Variants in NAALADL2 observed in about 807,000 individuals in gnomAD.
The protein encoded by NAALADL2 is N-acetylated alpha-linked acidic dipeptidase like 2, also known as inactive N-acetylated-alpha-linked acidic dipeptidase-like protein 2.
Under a neutral mutation model 87.2 loss-of-function variants are expected in NAALADL2, and 76 were observed. The observed-to-expected ratio is 0.87, with a 90% CI of 0.72 to 1.05. The LOEUF (loss-of-function observed/expected upper bound fraction) is 1.05. Among genes scored for constraint, NAALADL2 ranks in the 50% least tolerant of loss-of-function variants. The pLI is 0.00. For missense variants in NAALADL2, 1,089 were observed against 945.8 expected, an observed-to-expected ratio of 1.15 and a Z score of -1.99; for synonymous variants, 354 against 331.0, an observed-to-expected ratio of 1.07 and a Z score of -0.75.
chr3:174,537,713 A>T (rs182768357), intron 1 of NAALADL2, among the ~76,000 whole-genome samples: 4 of 152,284 alleles, frequency 2.6e-5, no homozygotes, highest in Non-Finnish European at 4.4e-5. Context: ...GTGGAAGAAT[A>T]ATTAAATTTT....
chr3:174,712,231 A>C (rs903465268), intron 2 of NAALADL2, among the ~76,000 whole-genome samples: 1 of 152,106 alleles, frequency 6.6e-6, no homozygotes, highest in African/African-American at 2.4e-5. Flanking sequence ...ATTTGTCTGA[A>C]TGGTATCTTG....
chr3:175,619,251 G>GGAAGGAA (rs1442073567), intron 10 of NAALADL2, among the ~76,000 whole-genome samples: 1 of 99,322 alleles, frequency 1.0e-5, no homozygotes, highest in East Asian at 2.6e-4. Flanking sequence ...AAGGAAGGAA[G>GGAAGGAA]GAAGGAAGGA....
intron 5 of NAALADL2, among the ~76,000 whole-genome samples, chr3:175,361,067 G>A (rs2148908310): frequency 6.6e-6 from 1 of 150,604 alleles, no homozygotes; most frequent in South Asian, 2.1e-4. Flanking sequence ...CCCATCCTGT[G>A]TCCAAGTGTT....
At chr3:175,726,095 A>G (rs1742878957) in intron 11 of NAALADL2, among the ~76,000 whole-genome samples, 1 of 152,094 alleles carries the variant, frequency 6.6e-6, no homozygotes, top group African/African-American at 2.4e-5. Flanking sequence ...ACACAAATAT[A>G]TTACAAAGTC....
chr3:174,723,794 A>G (rs930549356), intron 2 of NAALADL2, among the ~76,000 whole-genome samples: 6 of 148,178 alleles, frequency 4.0e-5, no homozygotes, highest in Non-Finnish European at 9.0e-5. Context: ...GCCTAGATAG[A>G]AGTACAACTT....
At chr3:175,352,408 C>T (rs1237754967) in intron 5 of NAALADL2, among the ~76,000 whole-genome samples, 1 of 152,062 alleles carries the variant, frequency 6.6e-6, no homozygotes, top group African/African-American at 2.4e-5. Flanking sequence ...TGTACTGAGA[C>T]CTCATCTGTC....
intron 3 of NAALADL2, among the ~76,000 whole-genome samples, chr3:174,795,373 T>C (rs1717966492): frequency 6.6e-6 from 1 of 152,114 alleles, no homozygotes; most frequent in Admixed American, 6.6e-5. Context: ...GTGTGTAATT[T>C]CCTGAAATAT....
intron 6 of NAALADL2, among the ~76,000 whole-genome samples, chr3:175,451,477 A>G (rs1016096450): frequency 1.3e-5 from 2 of 152,134 alleles, no homozygotes; most frequent in South Asian, 4.1e-4. Flanking sequence ...CATTCAACGT[A>G]TTGTCAATAT....
intron 2 of NAALADL2, among the ~76,000 whole-genome samples, chr3:174,686,731 C>A (rs1343669619): frequency 6.6e-6 from 1 of 152,030 alleles, no homozygotes; most frequent in East Asian, 1.9e-4. Context: ...GGATAACTGG[C>A]TAGCCATTTG....
chr3:175,794,178 G>C (rs1421229520), intron 13 of NAALADL2, among the ~76,000 whole-genome samples: 1 of 152,104 alleles, frequency 6.6e-6, no homozygotes, highest in Admixed American at 6.6e-5. Context: ...AAAGCCTGTA[G>C]GGTATTCAAA....
chr3:175,290,604 A>G (rs1308409583), intron 4 of NAALADL2, among the ~76,000 whole-genome samples: 1 of 152,158 alleles, frequency 6.6e-6, no homozygotes, highest in Non-Finnish European at 1.5e-5. Context: ...ATAATATGAA[A>G]ATTATATCTT....
intron 2 of NAALADL2, among the ~76,000 whole-genome samples, chr3:175,121,943 C>T (rs1726216832): frequency 6.6e-6 from 1 of 151,848 alleles, no homozygotes; most frequent in African/African-American, 2.4e-5. Context: ...GTGATCTCTG[C>T]ATTTCTTTTT....
At chr3:175,236,379 C>T (rs1048001502) in intron 3 of NAALADL2, among the ~76,000 whole-genome samples, 2 of 151,498 alleles carry the variant, frequency 1.3e-5, no homozygotes, top group East Asian at 3.9e-4. Context: ...AACCCTGTCT[C>T]TACTAAAAAA....
chr3:175,366,682 C>A lies in NAALADL2; in HGVS notation c.1090+42357C>A, dbSNP rs1425315836. ...CTTTTGAGAAGTGTCTGTTCATATC[C>A]TTCGCCCACTTTTTGATGGGGTTGT... On this transcript the variant is annotated intron_variant, in intron 5 of 13. Transcript: ENST00000454872. Among the ~76,000 whole-genome samples the A allele has an allele frequency of 4.2e-3, 629 of 151,356 alleles. 9 individuals are homozygous for A. The highest frequency in any genetic ancestry group is 0.014 in the African/African-American group (585 of 41,276).
At chr3:175,437,246 G>A (rs1173649553) in intron 5 of NAALADL2, among the ~76,000 whole-genome samples, 1 of 149,980 alleles carries the variant, frequency 6.7e-6, no homozygotes, top group Non-Finnish European at 1.5e-5. Flanking sequence ...AGCAACTTCA[G>A]CAAAGTCTCA....
chr3:175,496,423 T>C (rs1376740850), intron 9 of NAALADL2, among the ~76,000 whole-genome samples: 1 of 151,974 alleles, frequency 6.6e-6, no homozygotes, highest in Non-Finnish European at 1.5e-5. Flanking sequence ...TTATATATTA[T>C]CATTTATATA....
chr3:175,609,012 A>G (rs1428576977), intron 10 of NAALADL2, among the ~76,000 whole-genome samples: 1 of 143,156 alleles, frequency 7.0e-6, no homozygotes, highest in South Asian at 2.2e-4. Context: ...TTTTTTTTTT[A>G]GTAGTAGTAA....
At chr3:175,764,868 T>C (rs997266576) in intron 13 of NAALADL2, among the ~76,000 whole-genome samples, 1 of 152,132 alleles carries the variant, frequency 6.6e-6, no homozygotes, top group African/African-American at 2.4e-5. Context: ...ATTATACAGT[T>C]TTCATGGTGT....
intron 2 of NAALADL2, among the ~76,000 whole-genome samples, chr3:174,733,509 G>A (rs1578720102): frequency 6.6e-6 from 1 of 152,246 alleles, no homozygotes; most frequent in Non-Finnish European, 1.5e-5. Context: ...GGTGCCAAGA[G>A]AAAGGTTAGG....
Sources: allele counts gnomAD v4.1 joint callset (sites outside exome capture counted in the v4.1 genomes callset), GRCh38; gene constraint gnomAD v4.1.1; transcripts MANE v1.5; gene names NCBI Gene and HGNC (gene_info 2026-07-23, HGNC 2026-07-21).